SPON1: variants seen among roughly 807,000 people sequenced by gnomAD.
SPON1 encodes the protein spondin 1, also known as spondin-1.
In SPON1, 52 loss-of-function variants were observed where a neutral mutation model predicts 111.7. The observed-to-expected ratio is 0.47, with a 90% CI of 0.37 to 0.59. The LOEUF (loss-of-function observed/expected upper bound fraction) is 0.59, where lower values mean the gene tolerates loss of function less well. Ranked by LOEUF, SPON1 falls within the 20% of genes least tolerant of loss-of-function variation. The pLI, the probability that SPON1 is intolerant of heterozygous loss-of-function variation, is 0.00. For synonymous variants in SPON1, 410 were observed against 395.8 expected (o/e 1.04, Z -0.43); for missense variants, 957 against 1,068.5 (o/e 0.90, Z 1.46).
chr11:14,080,163 AT>A lies in SPON1; in HGVS notation c.676+144del, dbSNP rs1848950625. ...TGAAATGCACAATCCAAGTATGTAT[AT>A]TAATCAAGACAGGCAGACATTATAT... On this transcript the variant is annotated intron_variant, in intron 5 of 15. Transcript: ENST00000576479. 5.6e-6 allele frequency: 5 copies of A among 885,050 alleles called. No homozygotes were observed. In the East Asian group the frequency reaches 1.3e-4, roughly 22 times the overall value. 54.8% of individuals were successfully genotyped at this position (885,050 alleles called of 1,614,324 possible). A position where few individuals can be genotyped will look rare whatever the true frequency, so the allele number is the denominator to read the frequency against.
In SPON1 at chr11:14,235,538, G is replaced by A. The variant is rs541055516; in HGVS notation, c.826-7794G>A. Among the ~76,000 whole-genome samples the A allele has an allele frequency of 1.1e-4, 16 of 152,060 alleles. No individual in the cohort carries two copies. In the South Asian group the frequency reaches 2.5e-3, roughly 24 times the overall value. On this transcript the variant is annotated intron_variant, in intron 6 of 15. Transcript: ENST00000576479. Reference sequence around the variant, plus strand: ...TACAACTAATTTTAAAACTAACTGGGCATGGTGGTAGGCACCTGTAGTCCC... The same window carrying A: ...TACAACTAATTTTAAAACTAACTGGACATGGTGGTAGGCACCTGTAGTCCC...
intron 5 of SPON1, among the ~76,000 whole-genome samples, chr11:14,127,460 A>G (rs1245852576): frequency 2.6e-5 from 4 of 152,124 alleles, no homozygotes; most frequent in Non-Finnish European, 5.9e-5. Flanking sequence ...AGGGAATGTC[A>G]AAGGGCCTTC....
intron 2 of SPON1, among the ~76,000 whole-genome samples, chr11:14,012,488 G>A (rs1015383934): frequency 8.5e-5 from 13 of 152,158 alleles, no homozygotes; most frequent in East Asian, 1.9e-4. Context: ...CAGTGGCGAC[G>A]TGCAAACCGC....
chr11:14,152,695 G>A (rs1426427515), intron 6 of SPON1, among the ~76,000 whole-genome samples: 1 of 152,100 alleles, frequency 6.6e-6, no homozygotes, highest in African/African-American at 2.4e-5. Flanking sequence ...AAGAAACACA[G>A]GTACTTTCAT....
In SPON1 at chr11:14,221,906, A is replaced by G. The variant is rs376073986; in HGVS notation, c.826-21426A>G. 4.6e-5 allele frequency among the ~76,000 whole-genome samples: 7 copies of G among 152,210 alleles called. No homozygotes were observed. In the East Asian group the frequency reaches 1.2e-3, roughly 25 times the overall value. The stretch of plus-strand genomic sequence containing the variant: ...TCTGTCCTCCTGGTCTCTGCTACCT[A>G]CCAGCCTTCTGGTCACTCCCAGCCC... On this transcript the variant is annotated intron_variant, in intron 6 of 15. Transcript: ENST00000576479.
chr11:14,092,952 C>A (rs1849070954), intron 5 of SPON1, among the ~76,000 whole-genome samples: 1 of 152,166 alleles, frequency 6.6e-6, no homozygotes, highest in South Asian at 2.1e-4. Context: ...AATCTTCTGT[C>A]CTTCTGCAGA....
At chr11:14,171,810 G>A (rs1848104782) in intron 6 of SPON1, among the ~76,000 whole-genome samples, 1 of 152,198 alleles carries the variant, frequency 6.6e-6, no homozygotes, top group African/African-American at 2.4e-5. Context: ...TTTTGAGTGA[G>A]TTTCTTAATC....
At chr11:14,169,019 T>G (rs1177200553) in intron 6 of SPON1, among the ~76,000 whole-genome samples, 3 of 152,338 alleles carry the variant, frequency 2.0e-5, no homozygotes, top group Non-Finnish European at 4.4e-5. Flanking sequence ...ATATACCCAG[T>G]AATGGGATGG....
At chr11:14,236,254 G>T (rs1591422115) in intron 6 of SPON1, among the ~76,000 whole-genome samples, 1 of 152,176 alleles carries the variant, frequency 6.6e-6, no homozygotes, top group Non-Finnish European at 1.5e-5. Context: ...GAGACGGAAA[G>T]TGGTTGGATC....
At chr11:14,093,122 T>A (rs1390434339) in intron 5 of SPON1, among the ~76,000 whole-genome samples, 1 of 152,170 alleles carries the variant, frequency 6.6e-6, no homozygotes, top group Non-Finnish European at 1.5e-5. Flanking sequence ...AAAGAGAAGG[T>A]CTGGATTCAC....
intron 5 of SPON1, among the ~76,000 whole-genome samples, chr11:14,116,215 T>C (rs374130518): frequency 6.6e-6 from 1 of 152,300 alleles, no homozygotes; most frequent in South Asian, 2.1e-4. Context: ...TTCTAATCTT[T>C]TGGTAAATAG....
At chr11:14,095,455 AT>A (rs138097882) in intron 5 of SPON1, among the ~76,000 whole-genome samples, 24 of 150,080 alleles carry the variant, frequency 1.6e-4, no homozygotes, top group Admixed American at 1.0e-3. Flanking sequence ...TAGATAATAC[AT>A]TTTTTTTTGA....
At chr11:14,143,567 A>T (rs1366152243) in intron 6 of SPON1, among the ~76,000 whole-genome samples, 5 of 152,218 alleles carry the variant, frequency 3.3e-5, no homozygotes, top group Admixed American at 2.0e-4. Flanking sequence ...TTTCCAAAAA[A>T]AAAAAAAGGG....
intron 6 of SPON1, among the ~76,000 whole-genome samples, chr11:14,183,940 A>G (rs909204188): frequency 2.0e-5 from 3 of 152,192 alleles, no homozygotes; most frequent in Non-Finnish European, 4.4e-5. Flanking sequence ...ATAGTAATAA[A>G]CGTAAATGGC....
intron 2 of SPON1, among the ~76,000 whole-genome samples, chr11:14,026,746 T>C (rs1848521722): frequency 6.6e-6 from 1 of 152,060 alleles, no homozygotes; most frequent in Non-Finnish European, 1.5e-5. Context: ...TGGAGGAGAG[T>C]TGGAGAGTCC....
chr11:14,205,564 A>G (rs559938147), intron 6 of SPON1, among the ~76,000 whole-genome samples: 7 of 152,328 alleles, frequency 4.6e-5, no homozygotes, highest in African/African-American at 1.7e-4. Flanking sequence ...TCGGAGTTTT[A>G]TTTTTTTAAT....
chr11:14,115,103 A>T (rs1294669813), intron 5 of SPON1, among the ~76,000 whole-genome samples: 2 of 152,122 alleles, frequency 1.3e-5, no homozygotes, highest in Non-Finnish European at 2.9e-5. Context: ...AGGCTCACTG[A>T]TCATCACTGT....
intron 1 of SPON1, among the ~76,000 whole-genome samples, chr11:13,963,836 C>G (rs1554907784): frequency 6.6e-6 from 1 of 152,166 alleles, no homozygotes; most frequent in East Asian, 1.9e-4. Context: ...ACAGGGTCCT[C>G]AAAGAGCTTG....
intron 6 of SPON1, among the ~76,000 whole-genome samples, chr11:14,194,467 C>T (rs571572069): frequency 3.2e-4 from 49 of 151,712 alleles, no homozygotes; most frequent in African/African-American, 1.1e-3. Context: ...CCACAGAAAA[C>T]CCTCAAGTGG....
Sources: allele counts gnomAD v4.1 joint callset (sites outside exome capture counted in the v4.1 genomes callset), GRCh38; gene constraint gnomAD v4.1.1; transcripts MANE v1.5; gene names NCBI Gene and HGNC (gene_info 2026-07-23, HGNC 2026-07-21).